Variants in FAM168A observed in about 807,000 individuals in gnomAD.
FAM168A encodes the protein protein FAM168A.
Under a neutral mutation model 28.5 loss-of-function variants are expected in FAM168A, and 3 were observed. That is an observed-to-expected ratio of 0.11 (90% CI 0.05 to 0.27). The LOEUF is 0.27. Ranked by LOEUF, FAM168A falls within the 10% of genes least tolerant of loss-of-function variation. The pLI, the probability that FAM168A is intolerant of heterozygous loss-of-function variation, is 1.00. For missense variants in FAM168A, 222 were observed against 311.5 expected (o/e 0.71, Z 2.16); for synonymous variants, 122 against 124.2 (o/e 0.98, Z 0.12).
At chr11:73,484,722 A>C (rs1230624166) in intron 1 of FAM168A, among the ~76,000 whole-genome samples, 4 of 144,746 alleles carry the variant, frequency 2.8e-5, no homozygotes, top group African/African-American at 5.0e-5. Flanking sequence ...ATATATATAT[A>C]GATATATATC....
chr11:73,471,818 A>AT (rs930584583), intron 1 of FAM168A, among the ~76,000 whole-genome samples: 34 of 152,034 alleles, frequency 2.2e-4, no homozygotes, highest in Non-Finnish European at 2.6e-4. Flanking sequence ...AGAAAGAGAG[A>AT]TTTTTTTTCA....
intron 1 of FAM168A, among the ~76,000 whole-genome samples, chr11:73,521,460 G>GAA (rs935174192): frequency 4.1e-5 from 6 of 145,544 alleles, no homozygotes; most frequent in African/African-American, 1.0e-4. Flanking sequence ...AAGGAGATTA[G>GAA]AAAAAAAAAA....
At chr11:73,572,376 A>G (rs374169359) in intron 1 of FAM168A, among the ~76,000 whole-genome samples, 1 of 151,528 alleles carries the variant, frequency 6.6e-6, no homozygotes, top group Non-Finnish European at 1.5e-5. Flanking sequence ...TGGGAGGTGT[A>G]CCCAACAGCT....
chr11:73,560,244 T>A (rs1160111148), intron 1 of FAM168A, among the ~76,000 whole-genome samples: 4 of 151,596 alleles, frequency 2.6e-5, no homozygotes, highest in East Asian at 1.9e-4. Context: ...TTTTTTTTTT[T>A]AAAGAGATGG....
intron 1 of FAM168A, among the ~76,000 whole-genome samples, chr11:73,581,148 T>C (rs1944239611): frequency 6.6e-6 from 1 of 152,242 alleles, no homozygotes; most frequent in Non-Finnish European, 1.5e-5. Context: ...ACTTTCCCTG[T>C]TCAGAGCATC....
At chr11:73,545,607 G>A (rs1157546585) in intron 1 of FAM168A, among the ~76,000 whole-genome samples, 1 of 150,642 alleles carries the variant, frequency 6.6e-6, no homozygotes, top group Non-Finnish European at 1.5e-5. Context: ...TTATATCTCA[G>A]TAAAGCTCTT....
chr11:73,516,657 T>TA (rs1194413149), intron 1 of FAM168A, among the ~76,000 whole-genome samples: 1 of 152,196 alleles, frequency 6.6e-6, no homozygotes, highest in Non-Finnish European at 1.5e-5. Flanking sequence ...AATATATATA[T>TA]TTTTTCCATG....
chr11:73,522,835 A>G (rs1308706705), intron 1 of FAM168A, among the ~76,000 whole-genome samples: 1 of 151,894 alleles, frequency 6.6e-6, no homozygotes, highest in Middle Eastern at 3.2e-3. Flanking sequence ...CAACATGGAG[A>G]AACCCAGTCT....
intron 4 of FAM168A, among the ~76,000 whole-genome samples, chr11:73,417,528 G>C (rs1866714872): frequency 6.6e-6 from 1 of 150,750 alleles, no homozygotes; most frequent in African/African-American, 2.4e-5. Context: ...GGTATCTGGA[G>C]AAACTCCTTA....
chr11:73,433,076 C>CTTTTTTTTTTTTTTTTTTTTTTTTTTTT (rs34994742), intron 2 of FAM168A, among the ~76,000 whole-genome samples: 2 of 80,602 alleles, frequency 2.5e-5, no homozygotes, highest in African/African-American at 1.4e-4. Flanking sequence ...CACGCCCCGC[C>CTTTTTTTTTTTTTTTTTTTTTTTTTTTT]TTTTTTTTTT....
chr11:73,565,499 A>C (rs1208297455), intron 1 of FAM168A, among the ~76,000 whole-genome samples: 1 of 152,176 alleles, frequency 6.6e-6, no homozygotes, highest in Non-Finnish European at 1.5e-5. Flanking sequence ...TGTGACCCTG[A>C]GCAAGTCACT....
At chr11:73,590,369 A>G (rs1237714862) in intron 1 of FAM168A, among the ~76,000 whole-genome samples, 1 of 152,226 alleles carries the variant, frequency 6.6e-6, no homozygotes, top group Non-Finnish European at 1.5e-5. Flanking sequence ...TGCCACTGCA[A>G]GCAAAAGTTC....
At chr11:73,573,558 C>T (rs112395009) in intron 1 of FAM168A, among the ~76,000 whole-genome samples, 141 of 152,322 alleles carry the variant, frequency 9.3e-4, no homozygotes, top group African/African-American at 2.9e-3. Context: ...CTCTTTTCTT[C>T]TGCTGTCCCC....
chr11:73,465,094 C>T (rs1041810864), intron 2 of FAM168A, among the ~76,000 whole-genome samples: 2 of 151,580 alleles, frequency 1.3e-5, no homozygotes, highest in South Asian at 4.2e-4. Context: ...TAAACATTTT[C>T]ACCGACTACA....
At chr11:73,410,206 G>C (rs1000481875) in intron 5 of FAM168A, among the ~76,000 whole-genome samples, 4 of 152,044 alleles carry the variant, frequency 2.6e-5, no homozygotes, top group Non-Finnish European at 4.4e-5. Flanking sequence ...AGGAGTTCGA[G>C]ACCAGCCCGA....
chr11:73,544,703 TTATATATAATTATATATTTTA>T, intron 1 of FAM168A, among the ~76,000 whole-genome samples: 1 of 130,396 alleles, frequency 7.7e-6, no homozygotes, highest in Admixed American at 9.4e-5. Flanking sequence ...TTATATGTAA[TTATATATAATTATATATTTTA>T]TATGTAATTA....
intron 1 of FAM168A, among the ~76,000 whole-genome samples, chr11:73,474,180 T>C (rs187651673): frequency 1.5e-3 from 224 of 152,206 alleles, no homozygotes; most frequent in Non-Finnish European, 2.2e-3. Context: ...ACTAGGTAAT[T>C]AATAATGAAC....
intron 1 of FAM168A, among the ~76,000 whole-genome samples, chr11:73,478,430 A>G (rs1365144524): frequency 6.6e-6 from 1 of 152,188 alleles, no homozygotes; most frequent in African/African-American, 2.4e-5. Flanking sequence ...GTACAGGCAA[A>G]CAGTAGATTT....
rs1470322877 is a variant in FAM168A at position 73,479,616 on chromosome 11, G to A, written c.-18-11124C>T. Among the ~76,000 whole-genome samples the A allele has an allele frequency of 2.6e-5, 4 of 152,180 alleles. No homozygotes were observed. The East Asian group carries it at 7.7e-4, about 29-fold the overall frequency. The stretch of plus-strand genomic sequence containing the variant: ...TCTTAGAAAAGATCTCAGAAAGCCA[G>A]ACTGTGCATGGCTACAGGTAATTTT... On this transcript the variant is annotated intron_variant, in intron 1 of 7. Coordinates refer to ENST00000356467, the MANE Select transcript of FAM168A (RefSeq NM_015159.3).
Sources: gnomAD v4.1 joint callset for allele counts (sites outside exome capture counted in the v4.1 genomes callset) on GRCh38, gnomAD v4.1.1 for gene constraint, MANE v1.5 for transcripts, NCBI Gene and HGNC (gene_info 2026-07-23, HGNC 2026-07-21) for gene names.